The following MEI4 variants were observed in gnomAD, a reference collection of about 807,000 sequenced individuals.
MEI4 encodes meiosis-specific protein MEI4.
Under a neutral mutation model 31.4 loss-of-function variants are expected in MEI4, and 27 were observed. The observed-to-expected ratio is 0.86, with a 90% confidence interval of 0.63 to 1.19. The LOEUF (loss-of-function observed/expected upper bound fraction) is 1.19. MEI4 is among the 50% of genes most tolerant of loss of function. The pLI is 0.00. For missense variants in MEI4, 329 were observed against 398.9 expected, an observed-to-expected ratio of 0.82 and a Z score of 1.49; for synonymous variants, 122 against 145.4, an observed-to-expected ratio of 0.84 and a Z score of 1.16.
intron 3 of MEI4, among the ~76,000 whole-genome samples, chr6:77,812,357 C>A (rs1769593072): frequency 6.6e-6 from 1 of 151,802 alleles, no homozygotes; most frequent in African/African-American, 2.4e-5. Context: ...ATGCAAAATT[C>A]TAAATATTTA....
intron 3 of MEI4, among the ~76,000 whole-genome samples, chr6:77,792,306 A>G (rs1021589679): frequency 3.9e-5 from 6 of 152,194 alleles, no homozygotes; most frequent in Non-Finnish European, 2.9e-5. Context: ...TATTTGGGAT[A>G]TATTCCCAGG....
At chr6:77,682,157 T>G (rs2127649515) in intron 1 of MEI4, among the ~76,000 whole-genome samples, 1 of 152,352 alleles carries the variant, frequency 6.6e-6, no homozygotes, top group East Asian at 1.9e-4. Context: ...CACCGGGATT[T>G]GATAAATGCA....
chr6:77,821,945 C>T (rs921216333), intron 3 of MEI4, among the ~76,000 whole-genome samples: 3 of 152,000 alleles, frequency 2.0e-5, no homozygotes, highest in African/African-American at 7.2e-5. Context: ...GTTAGTCTCT[C>T]TCCTACTTAA....
Position 77,845,258 on chromosome 6 carries a change from C to T in MEI4, c.900+16196C>T, listed in dbSNP as rs574642210. ...ATGGGTTACCTTCAGTACTATCTGA[C>T]AGATCATCTTTTAGTATTAAGTCTT... On this transcript the variant is annotated intron_variant, in intron 4 of 4. Transcript: ENST00000684080. 3.9e-5 allele frequency among the ~76,000 whole-genome samples: 6 copies of T among 152,272 alleles called. No homozygotes were observed. In the East Asian group the frequency reaches 1.2e-3, roughly 29 times the overall value.
chr6:77,653,137 A>G (rs375472094), intron 1 of MEI4, among the ~76,000 whole-genome samples, 45 bp downstream of exon 1: 1 of 152,204 alleles, frequency 6.6e-6, no homozygotes, highest in Non-Finnish European at 1.5e-5. Flanking sequence ...GTATTTTGCC[A>G]GTAGGTTGAT....
chr6:77,900,818 T>G (rs1766171533), intron 4 of MEI4, among the ~76,000 whole-genome samples: 1 of 152,040 alleles, frequency 6.6e-6, no homozygotes, highest in Admixed American at 6.6e-5. Context: ...TGTCTTGAAC[T>G]TATTCCTTGT....
At chr6:77,856,778 C>A (rs1363128594) in intron 4 of MEI4, among the ~76,000 whole-genome samples, 4 of 152,028 alleles carry the variant, frequency 2.6e-5, no homozygotes, top group African/African-American at 9.7e-5. Context: ...ATCCACCGAC[C>A]TAAGCACTCT....
intron 2 of MEI4, among the ~76,000 whole-genome samples, chr6:77,702,502 T>C (rs1024299849): frequency 6.6e-6 from 1 of 152,226 alleles, no homozygotes; most frequent in African/African-American, 2.4e-5. Flanking sequence ...TGATAGAGAT[T>C]CTGAGAGGCT....
At chr6:77,802,731 A>G (rs957216548) in intron 3 of MEI4, among the ~76,000 whole-genome samples, 2 of 152,080 alleles carry the variant, frequency 1.3e-5, no homozygotes, top group Admixed American at 1.3e-4. Context: ...TCACTTCTGA[A>G]GCTTAGTTTA....
chr6:77,696,504 C>G (rs1386979596), intron 2 of MEI4, among the ~76,000 whole-genome samples: 5 of 151,900 alleles, frequency 3.3e-5, no homozygotes, highest in Non-Finnish European at 7.4e-5. Context: ...AAGGTCTTTT[C>G]TGCATCTATT....
rs140248626 is a variant in MEI4 at position 77,822,531 on chromosome 6, T to A, written c.769-6400T>A. On this transcript the variant is annotated intron_variant, in intron 3 of 4. Coordinates refer to ENST00000684080, the MANE Select transcript of MEI4 (RefSeq NM_001322247.2). ...TATAAATACATTGACGTGTTAATTC[T>A]AAATTTGTATGAGAGTTAAATGTTT... Among the ~76,000 whole-genome samples the A allele has an allele frequency of 5.4e-4, 83 of 152,314 alleles. 1 individual carries two copies. The East Asian group carries it at 0.013, about 23-fold the overall frequency.
intron 2 of MEI4, among the ~76,000 whole-genome samples, chr6:77,735,857 G>A (rs950055586): frequency 6.6e-6 from 1 of 151,998 alleles, no homozygotes; most frequent in African/African-American, 2.4e-5. Flanking sequence ...CTAACAGACA[G>A]GACCCTCAGC....
At chr6:77,731,093 T>C (rs1766975287) in intron 2 of MEI4, among the ~76,000 whole-genome samples, 2 of 151,978 alleles carry the variant, frequency 1.3e-5, no homozygotes, top group South Asian at 4.1e-4. Flanking sequence ...AACATATGTG[T>C]GCATGTGTCT....
intron 2 of MEI4, among the ~76,000 whole-genome samples, chr6:77,750,467 A>G (rs1479468417): frequency 1.3e-5 from 2 of 152,214 alleles, no homozygotes; most frequent in African/African-American, 2.4e-5. Context: ...AGGTATTGCA[A>G]TCCTAGTCTC....
At chr6:77,788,929 A>G (rs1256388984) in intron 3 of MEI4, among the ~76,000 whole-genome samples, 1 of 152,208 alleles carries the variant, frequency 6.6e-6, no homozygotes, top group Non-Finnish European at 1.5e-5. Context: ...GAACCAAAAA[A>G]GAGCCCCTAT....
At chr6:77,887,259 T>C (rs1023514881) in intron 4 of MEI4, among the ~76,000 whole-genome samples, 1 of 151,224 alleles carries the variant, frequency 6.6e-6, no homozygotes, top group African/African-American at 2.4e-5. Context: ...TTTTTTACAA[T>C]TTCCAAATAT....
At position 77,742,576 on chromosome 6, in the gene MEI4, A is replaced by G. The variant is rs537797718; in HGVS notation, c.233-18554A>G. 5.6e-4 allele frequency among the ~76,000 whole-genome samples: 85 copies of G among 152,188 alleles called. 1 individual carries two copies. In the East Asian group the frequency reaches 0.014, roughly 24 times the overall value. ...TTTTCTCCCATTTTGTAGGTTGCCT[A>G]TTCACTCTGACGTAGTTTCTTTTGC... is the stretch of plus-strand genomic sequence containing the variant. On this transcript the variant is annotated intron_variant, in intron 2 of 4. Coordinates refer to ENST00000684080, the MANE Select transcript of MEI4 (RefSeq NM_001322247.2).
chr6:77,792,021 A>G (rs1209850430), intron 3 of MEI4, among the ~76,000 whole-genome samples: 1 of 152,128 alleles, frequency 6.6e-6, no homozygotes, highest in East Asian at 1.9e-4. Flanking sequence ...TTAGCTTTCT[A>G]ATGTAAGAGA....
chr6:77,701,371 A>G (rs1766217882), intron 2 of MEI4, among the ~76,000 whole-genome samples: 1 of 152,014 alleles, frequency 6.6e-6, no homozygotes, highest in Non-Finnish European at 1.5e-5. Context: ...TGTTAATGGG[A>G]AAAATGGCAT....
Sources: allele counts gnomAD v4.1 joint callset (sites outside exome capture counted in the v4.1 genomes callset), GRCh38; gene constraint gnomAD v4.1.1; transcripts MANE v1.5; gene names NCBI Gene and HGNC (gene_info 2026-07-23, HGNC 2026-07-21).